The following LDHB variants were observed in gnomAD, a reference collection of about 807,000 sequenced individuals.
LDHB encodes the protein lactate dehydrogenase B, also known as L-lactate dehydrogenase B chain.
A neutral mutation model predicts 33.4 loss-of-function variants in LDHB; 18 were observed. That is an observed-to-expected ratio of 0.54 (90% CI 0.37 to 0.80). The LOEUF (loss-of-function observed/expected upper bound fraction) is 0.80, where lower values mean the gene tolerates loss of function less well. Among genes scored for constraint, LDHB ranks in the 30% least tolerant of loss-of-function variants. The pLI, the probability that LDHB is intolerant of heterozygous loss-of-function variation, is 0.00. For synonymous variants in LDHB, 121 were observed against 140.6 expected, an observed-to-expected ratio of 0.86 and a Z score of 0.98; for missense variants, 345 against 407.9, an observed-to-expected ratio of 0.85 and a Z score of 1.33.
chr12:21,641,585 G>A (rs1045640020), intron 5 of LDHB, among the ~76,000 whole-genome samples: 1 of 152,164 alleles, frequency 6.6e-6, no homozygotes, highest in East Asian at 1.9e-4. Flanking sequence ...TTGATAACTT[G>A]TGAATAATGG....
chr12:21,651,724 T>C (rs1352099973), intron 2 of LDHB, among the ~76,000 whole-genome samples: 1 of 152,226 alleles, frequency 6.6e-6, no homozygotes, highest in Non-Finnish European at 1.5e-5. Context: ...TCTATTAAGC[T>C]AGTGGGATTT....
chr12:21,635,888 G>A (rs982128257), intron 7 of LDHB, among the ~76,000 whole-genome samples, 179 bp from the exon 8 acceptor site: 1 of 151,838 alleles, frequency 6.6e-6, no homozygotes, highest in Non-Finnish European at 1.5e-5. Flanking sequence ...CTAAAGGGGG[G>A]AAAAAAGAGA....
chr12:21,652,107 T>C (rs1475478308), intron 2 of LDHB, among the ~76,000 whole-genome samples: 3 of 14,592 alleles, frequency 2.1e-4, no homozygotes, highest in Non-Finnish European at 2.1e-3. Context: ...AAATTTATGA[T>C]TACATCATAG....
At chr12:21,657,706 G>A (rs1938899252) in intron 1 of LDHB, 45 bp downstream of exon 1, 1 of 152,480 alleles carries the variant, frequency 6.6e-6, no homozygotes, top group Admixed American at 6.5e-5. Flanking sequence ...CGTCCCATCA[G>A]GCTTGCCTGT....
At chr12:21,637,634 G>A (rs997323171) in intron 6 of LDHB, among the ~76,000 whole-genome samples, 1 of 152,030 alleles carries the variant, frequency 6.6e-6, no homozygotes, top group Non-Finnish European at 1.5e-5. Flanking sequence ...TATCTTGCCT[G>A]ACAGTTTTTT....
At chr12:21,646,876 CT>C in intron 3 of LDHB, 22 bp downstream of exon 3, 1 of 1,350,482 alleles carries the variant, frequency 7.4e-7, no homozygotes, top group East Asian at 2.3e-5. Context: ...TATTAGATCA[CT>C]TTGGGCATTA....
intron 5 of LDHB, 93 bp downstream of exon 5, chr12:21,641,859 C>T (rs1938377869): frequency 1.8e-6 from 2 of 1,132,578 alleles, no homozygotes; most frequent in East Asian, 5.1e-5. Context: ...TTAAGTACAT[C>T]AAAGTCTATA....
At position 21,647,031 on chromosome 12, in the gene LDHB, A is replaced by G. The variant is rs1938545922; in HGVS notation, c.130-15T>C. 1 of 1,554,256 alleles carries G rather than the reference A, an allele frequency of 6.4e-7. No homozygotes were observed. Among genetic ancestry groups the G allele is most frequent in the Non-Finnish European group, 8.9e-7 (1 of 1,126,068 alleles). ...TCAGCCAGAGACTGTAAACGCAAAA[A>G]CAGGCATTAGAACCCTAAGCCACTC... On this transcript the variant is annotated splice_polypyrimidine_tract_variant and intron_variant, in intron 2 of 7. Coordinates refer to ENST00000350669, the MANE Select transcript of LDHB (RefSeq NM_002300.8).
At position 21,644,105 on chromosome 12, in the gene LDHB, TA is replaced by T; in HGVS notation, c.250del (p.Tyr84IlefsTer3). The T allele has an allele frequency of 6.2e-7, 1 of 1,610,848 alleles. No individual in the cohort carries two copies. The highest frequency in any genetic ancestry group is 1.3e-5 in the African/African-American group (1 of 74,968). ...AATCTTAGAATTGGCAGTCACAGAA[TA>T]ATCTTTAAAAAGAAAAGCAAAAACA... ...QTPKIVADKD[Y>X]SVTANSKIVV... On this transcript the variant is annotated frameshift_variant and splice_region_variant, in exon 4 of 8. Transcript: ENST00000350669. LOFTEE classifies it high-confidence loss of function.
rs377730484 is a variant in LDHB, at chr12:21,655,341, T to C, written c.-6-664A>G. Among the ~76,000 whole-genome samples the C allele has an allele frequency of 2.2e-3, 328 of 152,338 alleles. 1 individual carries two copies. The highest frequency in any genetic ancestry group is 2.5e-3 in the East Asian group (13 of 5,190). ...TCTATTAAGAATGTATATGTAACTA[T>C]GTAAACTAAGTTTGGGTCTAGTATT... On this transcript the variant is annotated intron_variant, in intron 1 of 7. Transcript: ENST00000350669.
chr12:21,647,589 A>C, intron 2 of LDHB, among the ~76,000 whole-genome samples: 1 of 152,142 alleles, frequency 6.6e-6, no homozygotes, highest in Non-Finnish European at 1.5e-5. Context: ...GCCCAGTCTC[A>C]GATTTCTTTT....
At position 21,638,409 on chromosome 12, in the gene LDHB, C is replaced by T. The variant is rs1314302255; in HGVS notation, c.657G>A (p.Met219Ile). ...AATTTTCACTATCATTGTCAGTTCC[C>T]ATTTCTGGATTCAATTCCTGGAGAG... ...GVSLQELNPE[M>I]GTDNDSENWK... Residue 219 changes from methionine (M) to isoleucine (I), a missense_variant, in exon 6 of 8, where the codon ATG becomes ATA. By Grantham distance (10) the Met-to-Ile change is conservative. Transcript: ENST00000350669. The T allele has an allele frequency of 6.2e-7, 1 of 1,612,052 alleles. No individual in the cohort carries two copies. The highest frequency in any genetic ancestry group is 8.5e-7 in the Non-Finnish European group (1 of 1,178,744).
chr12:21,638,475 TTA>T lies in LDHB; in HGVS notation c.596-7_596-6del, dbSNP rs2136961751. 7.2e-6 allele frequency: 10 copies of T among 1,383,040 alleles called. No individual in the cohort carries two copies. The highest frequency in any genetic ancestry group is 2.4e-5 in the South Asian group (2 of 82,690). 85.7% of individuals were successfully genotyped at this position (1,383,040 alleles called of 1,614,324 possible). On this transcript the variant is annotated splice_region_variant and splice_polypyrimidine_tract_variant and intron_variant, in intron 5 of 7. Transcript: ENST00000350669. Reference sequence around the variant, plus strand: ...TCACACCACTCCACACAGCCACTGTTTAAAAAAAAAAAAAAAGACATTGCAGT... The same window carrying T: ...TCACACCACTCCACACAGCCACTGTTAAAAAAAAAAAAAAGACATTGCAGT...
rs1565629860 is a variant in LDHB, at chr12:21,650,142, ACACACACACG to A, written c.130-3136_130-3127del. On this transcript the variant is annotated intron_variant, in intron 2 of 7. Coordinates refer to ENST00000350669, the MANE Select transcript of LDHB (RefSeq NM_002300.8). The stretch of plus-strand genomic sequence containing the variant: ...CACACACACACACACACACACACAC[ACACACACACG>A]TCTCTCTCTCCAAGTGTTTAGTATG... Among the ~76,000 whole-genome samples the A allele has an allele frequency of 7.6e-4, 113 of 148,188 alleles. 2 individuals carry two copies. Among genetic ancestry groups the A allele is most frequent in the Admixed American group, 1.9e-3 (28 of 14,640 alleles).
intron 1 of LDHB, chr12:21,657,301 T>G (rs949128459): frequency 6.6e-6 from 1 of 152,032 alleles, no homozygotes; most frequent in African/African-American, 2.4e-5. Flanking sequence ...TCCCAGCGAG[T>G]GCAAGGGCAT....
At chr12:21,656,486 ATT>A (rs1938847902) in intron 1 of LDHB, among the ~76,000 whole-genome samples, 1 of 152,144 alleles carries the variant, frequency 6.6e-6, no homozygotes, top group Non-Finnish European at 1.5e-5. Flanking sequence ...ACTTAAGTTT[ATT>A]GTTGTTAGAT....
At chr12:21,646,603 A>G (rs1938532824) in intron 3 of LDHB, among the ~76,000 whole-genome samples, 1 of 152,238 alleles carries the variant, frequency 6.6e-6, no homozygotes, top group Non-Finnish European at 1.5e-5. Flanking sequence ...CTGTCCATTA[A>G]TAAGTGAATA....
rs1255808076 is a variant in LDHB, at chr12:21,657,793, G to C, written c.-49C>G. ...TGGAGACCTCTGTAACAGTCGTGCGGAGAAGACAAAGTCAGCTGCGTGCGT... is the reference window on the plus strand; with the variant it reads ...TGGAGACCTCTGTAACAGTCGTGCGCAGAAGACAAAGTCAGCTGCGTGCGT... On this transcript the variant is annotated 5_prime_UTR_variant, in exon 1 of 8. Coordinates refer to ENST00000350669, the MANE Select transcript of LDHB (RefSeq NM_002300.8). 6.6e-6 allele frequency: 1 copy of C among 152,378 alleles called. No homozygotes were observed. Among genetic ancestry groups the C allele is most frequent in the Non-Finnish European group, 1.5e-5 (1 of 68,146 alleles). 9.4% of individuals were successfully genotyped at this position (152,378 alleles called of 1,614,324 possible). A position where few individuals can be genotyped will look rare whatever the true frequency, so the allele number is the denominator to read the frequency against.
intron 4 of LDHB, among the ~76,000 whole-genome samples, chr12:21,642,764 G>C (rs1938408327): frequency 6.6e-6 from 1 of 152,094 alleles, no homozygotes; most frequent in Admixed American, 6.5e-5. Flanking sequence ...TAAAAAATGT[G>C]CACACAAGGA....
Sources: gnomAD v4.1 joint callset for allele counts (sites outside exome capture counted in the v4.1 genomes callset) on GRCh38, gnomAD v4.1.1 for gene constraint, MANE v1.5 for transcripts, NCBI Gene and HGNC (gene_info 2026-07-23, HGNC 2026-07-21) for gene names.